Variants in NSG2 observed in about 807,000 individuals in gnomAD.
NSG2 encodes neuronal vesicle trafficking-associated protein 2.
Under a neutral mutation model 16.9 loss-of-function variants are expected in NSG2, and 4 were observed. The observed-to-expected ratio is 0.24, with a 90% CI of 0.12 to 0.54. The LOEUF is 0.54. Ranked by LOEUF, NSG2 falls within the 20% of genes least tolerant of loss-of-function variation. The probability of loss-of-function intolerance (pLI) is 0.95; values close to 1 mark genes in which losing one functional copy is unlikely to be tolerated. For synonymous variants in NSG2, 98 were observed against 88.7 expected (o/e 1.11, Z -0.59); for missense variants, 179 against 221.1 (o/e 0.81, Z 1.21).
At position 174,107,596 on chromosome 5, in the gene NSG2, C is replaced by G; in HGVS notation, c.*91C>G. On this transcript the variant is annotated 3_prime_UTR_variant, in exon 5 of 5. Transcript: ENST00000303177. This position sits in a 1 kb window ranked among gnomAD's most constrained non-coding sequence, Gnocchi z 4.5. Reference sequence around the variant, plus strand: ...CCAGTTACAAGACAACACTGTACTCCTGGGATATGGGGGCGGGGGCGGGGC... The same window carrying G: ...CCAGTTACAAGACAACACTGTACTCGTGGGATATGGGGGCGGGGGCGGGGC... The G allele has an allele frequency of 1.6e-6, 1 of 614,296 alleles. No individual in the cohort carries two copies. The highest frequency in any genetic ancestry group is 2.7e-6 in the Non-Finnish European group (1 of 371,924). 38.1% of individuals were successfully genotyped at this position (614,296 alleles called of 1,614,324 possible).
At chr5:174,087,126 GCAATT>G (rs1760639273) in intron 3 of NSG2, among the ~76,000 whole-genome samples, 1 of 152,106 alleles carries the variant, frequency 6.6e-6, no homozygotes, top group African/African-American at 2.4e-5. Context: ...CTTTCAAAAG[GCAATT>G]TACTTAGTGA....
At chr5:174,047,372 C>A (rs946031201) in intron 2 of NSG2, among the ~76,000 whole-genome samples, 3 of 152,156 alleles carry the variant, frequency 2.0e-5, no homozygotes, top group East Asian at 3.9e-4. Context: ...TTAATTCATC[C>A]TGGTAAATGT....
At chr5:174,058,606 G>C (rs945636210) in intron 2 of NSG2, among the ~76,000 whole-genome samples, 3 of 152,176 alleles carry the variant, frequency 2.0e-5, no homozygotes, top group Non-Finnish European at 2.9e-5. Context: ...GAGGGCTGCT[G>C]GGTGAGCCAG....
chr5:174,100,257 C>G (rs980123333), intron 3 of NSG2, among the ~76,000 whole-genome samples: 1 of 152,268 alleles, frequency 6.6e-6, no homozygotes, highest in African/African-American at 2.4e-5. Flanking sequence ...GCACACAGGA[C>G]TGCTTGCATG....
intron 2 of NSG2, among the ~76,000 whole-genome samples, chr5:174,061,011 C>A (rs1195329475): frequency 6.6e-6 from 1 of 152,134 alleles, no homozygotes; most frequent in Non-Finnish European, 1.5e-5. Context: ...GGGCAGGAAT[C>A]TTTGGAGCCA....
chr5:174,086,691 A>G (rs908254102), intron 3 of NSG2: 7 of 152,322 alleles, frequency 4.6e-5, no homozygotes, highest in African/African-American at 1.7e-4. Flanking sequence ...TAAAGGCACA[A>G]CCTTGTGAGT....
chr5:174,086,213 GT>G (rs2113460529), intron 3 of NSG2, among the ~76,000 whole-genome samples: 1 of 152,280 alleles, frequency 6.6e-6, no homozygotes, highest in South Asian at 2.1e-4. Context: ...ACAGATTGGG[GT>G]GATTGCTGGC....
rs78552844 is a variant in NSG2, at chr5:174,076,995, T to C, written c.213+12680T>C. 4.5e-3 allele frequency among the ~76,000 whole-genome samples: 678 copies of C among 152,224 alleles called. 30 individuals carry two copies. The East Asian group carries it at 0.094, about 21-fold the overall frequency. On this transcript the variant is annotated intron_variant, in intron 3 of 4. Transcript: ENST00000303177. Reference sequence around the variant, plus strand: ...ATTTGTTCAGTATTTCAGTGTCTTATCCTAGCAATCTCCCAGAGATTTGAA... The same window carrying C: ...ATTTGTTCAGTATTTCAGTGTCTTACCCTAGCAATCTCCCAGAGATTTGAA...
At chr5:174,064,351 G>T in intron 3 of NSG2, 36 bp downstream of exon 3, 2 of 1,522,950 alleles carry the variant, frequency 1.3e-6, no homozygotes, top group Non-Finnish European at 1.8e-6. Flanking sequence ...AAGAGTAAAG[G>T]AGAGGCTGGC....
intron 3 of NSG2, among the ~76,000 whole-genome samples, chr5:174,097,184 C>T (rs1380026721): frequency 6.6e-6 from 1 of 152,112 alleles, no homozygotes; most frequent in Non-Finnish European, 1.5e-5. Flanking sequence ...CCAGAGTCGC[C>T]AACTCTGTGC....
chr5:174,084,119 T>C (rs1247877985), intron 3 of NSG2: 2 of 152,168 alleles, frequency 1.3e-5, no homozygotes, highest in East Asian at 3.9e-4. Context: ...CTTATGGCCA[T>C]CCTTTTTCCT....
intron 2 of NSG2, among the ~76,000 whole-genome samples, chr5:174,049,550 T>C (rs901043616): frequency 1.3e-5 from 2 of 152,220 alleles, no homozygotes; most frequent in African/African-American, 4.8e-5. Context: ...GTCTGAATTT[T>C]ACAGAAGCTG....
chr5:174,053,225 G>C (rs75575556), intron 2 of NSG2, among the ~76,000 whole-genome samples: 2,177 of 152,322 alleles, frequency 0.014, 25 homozygotes, highest in Non-Finnish European at 0.021. Context: ...GAGGGAAACA[G>C]TGTGACAGTT....
intron 2 of NSG2, among the ~76,000 whole-genome samples, chr5:174,063,897 A>C (rs1159125301): frequency 6.6e-6 from 1 of 152,234 alleles, no homozygotes; most frequent in Non-Finnish European, 1.5e-5. Context: ...AGAAAAATAT[A>C]GTGTTGTGTG....
At chr5:174,076,064 T>C (rs1760336282) in intron 3 of NSG2, among the ~76,000 whole-genome samples, 1 of 152,232 alleles carries the variant, frequency 6.6e-6, no homozygotes, top group African/African-American at 2.4e-5. Flanking sequence ...GTTTGAATGT[T>C]AGTTCTATAA....
intron 2 of NSG2, among the ~76,000 whole-genome samples, chr5:174,059,271 T>A (rs1346395719): frequency 3.3e-5 from 5 of 152,214 alleles, no homozygotes; most frequent in Non-Finnish European, 5.9e-5. Flanking sequence ...AATTCATCAA[T>A]GTATATGTAG....
intron 3 of NSG2, among the ~76,000 whole-genome samples, chr5:174,074,453 C>T (rs959246227): frequency 1.3e-5 from 2 of 152,112 alleles, no homozygotes; most frequent in African/African-American, 4.8e-5. Context: ...CCAGGTGACG[C>T]TGCCGTAGCT....
chr5:174,064,295 C>A lies in NSG2; in HGVS notation c.193C>A (p.Pro65Thr). 1 of 1,610,986 alleles carries A rather than the reference C, an allele frequency of 6.2e-7. No individual in the cohort carries two copies. The highest frequency in any genetic ancestry group is 8.5e-7 in the Non-Finnish European group (1 of 1,178,008). ...GAAGAACAAAGGGAAGTTCCGGGTG[C>A]CGAAAATCGCTGAATTTACGGTCAG... ...EQKNKGKFRVPKIAEFTVTIL... is the reference protein window; with the variant it reads ...EQKNKGKFRVTKIAEFTVTIL... Residue 65 changes from proline to threonine, a missense_variant, in exon 3 of 5, where the codon CCG becomes ACG. By Grantham distance (38) the Pro-to-Thr change is conservative. Transcript: ENST00000303177.
At position 174,093,363 on chromosome 5, in the gene NSG2, A is replaced by G. The variant is rs187755218; in HGVS notation, c.214-10865A>G. Among the ~76,000 whole-genome samples, 17 of 152,306 alleles carry G rather than the reference A, an allele frequency of 1.1e-4. No individual in the cohort carries two copies. In the East Asian group the frequency reaches 2.9e-3, roughly 26 times the overall value. ...TACCACGCCCCGCCATCCAACAGCTATTGTGAAGCAGCCATCAGTGTCACC... is the reference window on the plus strand; with the variant it reads ...TACCACGCCCCGCCATCCAACAGCTGTTGTGAAGCAGCCATCAGTGTCACC... On this transcript the variant is annotated intron_variant, in intron 3 of 4. Coordinates refer to ENST00000303177, the MANE Select transcript of NSG2 (RefSeq NM_015980.5).
Sources: allele counts gnomAD v4.1 joint callset (sites outside exome capture counted in the v4.1 genomes callset), GRCh38; gene constraint gnomAD v4.1.1; non-coding constraint Gnocchi (gnomAD v3.1); transcripts MANE v1.5; gene names NCBI Gene and HGNC (gene_info 2026-07-23, HGNC 2026-07-21).